The following GRK5 variants were observed in gnomAD, a reference collection of about 807,000 sequenced individuals.
GRK5 encodes G protein-coupled receptor kinase 5.
Under a neutral mutation model 78.4 loss-of-function variants are expected in GRK5, and 40 were observed. The ratio of observed to expected loss-of-function variants is 0.51; its 90% CI spans 0.40 to 0.66. The LOEUF is 0.66. GRK5 is among the 30% of genes least tolerant of loss of function. The pLI, the probability that GRK5 is intolerant of heterozygous loss-of-function variation, is 0.00. For missense variants in GRK5, 598 were observed against 759.9 expected (o/e 0.79, Z 2.50); for synonymous variants, 289 against 296.8 (o/e 0.97, Z 0.27).
At chr10:119,380,724 C>T (rs1851696638) in intron 2 of GRK5, 91 bp from the exon 3 acceptor site, 4 of 749,760 alleles carry the variant, frequency 5.3e-6, no homozygotes, top group South Asian at 1.6e-5. Context: ...CTCCATCCAT[C>T]TAGGGCTCTG....
chr10:119,214,977 G>A (rs903840565), intron 1 of GRK5, among the ~76,000 whole-genome samples: 5 of 152,236 alleles, frequency 3.3e-5, no homozygotes, highest in Admixed American at 1.3e-4. Flanking sequence ...AGGCCTGGGC[G>A]GGTAGACGGG....
chr10:119,413,997 C>T (rs996971418), intron 4 of GRK5, among the ~76,000 whole-genome samples: 2 of 152,148 alleles, frequency 1.3e-5, no homozygotes, highest in African/African-American at 4.8e-5. Flanking sequence ...CCTCTGTTCC[C>T]GCCCCGGAGG....
intron 1 of GRK5, among the ~76,000 whole-genome samples, chr10:119,309,027 G>A (rs918577446): frequency 6.6e-6 from 1 of 152,222 alleles, no homozygotes; most frequent in Non-Finnish European, 1.5e-5. Context: ...GAGGGCTGGT[G>A]CCCAGGGCCC....
In GRK5 at chr10:119,452,649, A is replaced by G. The variant is rs1002857641; in HGVS notation, c.1405-22A>G. On this transcript the variant is annotated intron_variant, in intron 13 of 15. Coordinates refer to ENST00000392870, the MANE Select transcript of GRK5 (RefSeq NM_005308.3). This position sits in a 1 kb window ranked among gnomAD's most constrained non-coding sequence, Gnocchi z 4.4. The stretch of plus-strand genomic sequence containing the variant: ...GAGCCGCAGGCGGGACATATGTGTG[A>G]CCGGCCCTCTGCCCCTGGCAGCCCC... 1.9e-6 allele frequency: 3 copies of G among 1,613,534 alleles called. No homozygotes were observed. The highest frequency in any genetic ancestry group is 2.7e-5 in the African/African-American group (2 of 75,042).
intron 3 of GRK5, among the ~76,000 whole-genome samples, chr10:119,393,860 G>A (rs923411537): frequency 1.3e-5 from 2 of 152,114 alleles, no homozygotes; most frequent in African/African-American, 4.8e-5. Flanking sequence ...ACTCCATATG[G>A]GGTGTGTGTC....
Position 119,412,839 on chromosome 10 carries a change from C to T in GRK5, c.340-10327C>T, listed in dbSNP as rs534846904. Among the ~76,000 whole-genome samples the T allele has an allele frequency of 1.3e-5, 2 of 152,270 alleles. No homozygotes were observed. Among genetic ancestry groups the T allele is most frequent in the African/African-American group, 4.8e-5 (2 of 41,558 alleles). Reference sequence around the variant, plus strand: ...GTTTAGGGTTGGAACAGCCCCCATTCGCCCCACCACCCTCTGCTTTCCCCA... The same window carrying T: ...GTTTAGGGTTGGAACAGCCCCCATTTGCCCCACCACCCTCTGCTTTCCCCA... On this transcript the variant is annotated intron_variant, in intron 4 of 15. Coordinates refer to ENST00000392870, the MANE Select transcript of GRK5 (RefSeq NM_005308.3). This position sits in a 1 kb window ranked among gnomAD's most constrained non-coding sequence, Gnocchi z 4.3.
At chr10:119,386,507 C>T (rs1851796620) in intron 3 of GRK5, among the ~76,000 whole-genome samples, 1 of 152,190 alleles carries the variant, frequency 6.6e-6, no homozygotes, top group Non-Finnish European at 1.5e-5. Flanking sequence ...TGCCATCGTT[C>T]CCTCTCTCTG....
In GRK5 at chr10:119,436,821, C is replaced by T. The variant is rs777537880; in HGVS notation, c.909C>T (p.His303=). The T allele has an allele frequency of 6.2e-7, 1 of 1,609,256 alleles. No individual in the cohort carries two copies. Among genetic ancestry groups the T allele is most frequent in the Non-Finnish European group, 8.5e-7 (1 of 1,177,100 alleles). ...TCCTCTGCGGCTTAGAAGACCTCCA[C>T]CGTGAGAACACCGTCTACCGGTGAG... The part of the protein sequence containing the change: ...AEILCGLEDL[H]RENTVYRDLK... Residue 303 remains histidine (H), a synonymous_variant, in exon 9 of 16, where the codon CAC becomes CAT. Coordinates refer to ENST00000392870, the MANE Select transcript of GRK5 (RefSeq NM_005308.3).
rs898582088 is a variant in GRK5 at position 119,435,664 on chromosome 10, A to G, written c.739-987A>G. Among the ~76,000 whole-genome samples, 47 of 152,246 alleles carry G rather than the reference A, an allele frequency of 3.1e-4. 1 individual carries two copies. The highest frequency in any genetic ancestry group is 1.1e-3 in the African/African-American group (46 of 41,528). On this transcript the variant is annotated intron_variant, in intron 8 of 15. Coordinates refer to ENST00000392870, the MANE Select transcript of GRK5 (RefSeq NM_005308.3). ...TTCAACAAGTCTCTAGGAAGTTCCA[A>G]ACTTTCTCACATTTTCCTATCTTCT...
chr10:119,406,891 G>T lies in GRK5; in HGVS notation c.339+10119G>T, dbSNP rs546607072. 2.6e-5 allele frequency among the ~76,000 whole-genome samples: 4 copies of T among 152,322 alleles called. No homozygotes were observed. In the South Asian group the frequency reaches 8.3e-4, roughly 32 times the overall value. On this transcript the variant is annotated intron_variant, in intron 4 of 15. Transcript: ENST00000392870. ...CACATGTGTGCTCATGAGCTGTCTT[G>T]GGACAGCTAGCATTTATTGAGCTAC...
chr10:119,326,967 A>G (rs1203090743), intron 2 of GRK5, among the ~76,000 whole-genome samples: 3 of 152,134 alleles, frequency 2.0e-5, no homozygotes, highest in African/African-American at 7.2e-5. Context: ...AGCTGATGGG[A>G]GGGTGGTGGA....
chr10:119,247,682 C>T (rs1481892054), intron 1 of GRK5, among the ~76,000 whole-genome samples: 3 of 152,164 alleles, frequency 2.0e-5, no homozygotes, highest in Non-Finnish European at 4.4e-5. Context: ...GAAAAAATGT[C>T]TTTGTCCTGC....
chr10:119,228,392 C>T (rs1189495545), intron 1 of GRK5, among the ~76,000 whole-genome samples: 3 of 146,750 alleles, frequency 2.0e-5, no homozygotes, highest in South Asian at 2.2e-4. Flanking sequence ...CCCGCAAAAA[C>T]GTTATGGAGA....
intron 2 of GRK5, among the ~76,000 whole-genome samples, chr10:119,363,931 G>A (rs141657751): frequency 1.3e-5 from 2 of 152,194 alleles, no homozygotes; most frequent in Non-Finnish European, 2.9e-5. Flanking sequence ...TGTCCCAGAG[G>A]TGGAGCTGGG....
At chr10:119,279,172 G>GCCTGGCC (rs1047483906) in intron 1 of GRK5, among the ~76,000 whole-genome samples, 1 of 152,160 alleles carries the variant, frequency 6.6e-6, no homozygotes, top group African/African-American at 2.4e-5. Context: ...GAGCCACTGC[G>GCCTGGCC]CCTGGCCCCT....
chr10:119,315,082 G>A (rs1039373581), intron 1 of GRK5, among the ~76,000 whole-genome samples: 1 of 152,218 alleles, frequency 6.6e-6, no homozygotes, highest in Non-Finnish European at 1.5e-5. Context: ...AAGCGGCTCT[G>A]CGCCCTGTCC....
In GRK5 at chr10:119,238,382, C is replaced by A. The variant is rs1323633738; in HGVS notation, c.52+30413C>A. On this transcript the variant is annotated intron_variant, in intron 1 of 15. Transcript: ENST00000392870. The surrounding 1 kb of genome is among the most constrained non-coding windows in gnomAD (Gnocchi z 4.7). ...AAAATAAATAGCAGGTACTTGATTTCATCTGGAATGGAGGGTGTGGCCCTG... is the reference window on the plus strand; with the variant it reads ...AAAATAAATAGCAGGTACTTGATTTAATCTGGAATGGAGGGTGTGGCCCTG... Among the ~76,000 whole-genome samples the A allele has an allele frequency of 2.0e-5, 3 of 152,120 alleles. No homozygotes were observed. Among genetic ancestry groups the A allele is most frequent in the African/African-American group, 7.2e-5 (3 of 41,412 alleles).
At chr10:119,283,396 G>A (rs909656808) in intron 1 of GRK5, among the ~76,000 whole-genome samples, 3 of 152,054 alleles carry the variant, frequency 2.0e-5, no homozygotes, top group African/African-American at 4.8e-5. Flanking sequence ...TTCCCACCTC[G>A]TCCCCTAACC....
chr10:119,395,908 A>ACCCT (rs1852043229), intron 3 of GRK5, among the ~76,000 whole-genome samples: 1 of 152,108 alleles, frequency 6.6e-6, no homozygotes, highest in Admixed American at 6.5e-5. Flanking sequence ...CCACCTACAG[A>ACCCT]CGAGGGGTTG....
Sources: gnomAD v4.1 joint callset for allele counts (sites outside exome capture counted in the v4.1 genomes callset) on GRCh38, gnomAD v4.1.1 for gene constraint, Gnocchi (gnomAD v3.1) non-coding constraint, MANE v1.5 for transcripts, NCBI Gene and HGNC (gene_info 2026-07-23, HGNC 2026-07-21) for gene names.